The following CFHR4 variants were observed in gnomAD, a reference collection of about 807,000 sequenced individuals.
The protein encoded by CFHR4 is complement factor H related 4, also known as complement factor H-related protein 4.
A neutral mutation model predicts 69.3 loss-of-function variants in CFHR4; 64 were observed. The observed-to-expected ratio is 0.92, with a 90% CI of 0.76 to 1.14. The LOEUF (loss-of-function observed/expected upper bound fraction) is 1.14, where lower values mean the gene tolerates loss of function less well. Ranked by LOEUF, CFHR4 falls within the 50% of genes most tolerant of loss-of-function variation. The pLI is 0.00. For synonymous variants in CFHR4, 244 were observed against 237.0 expected (o/e 1.03, Z -0.27); for missense variants, 636 against 684.9 (o/e 0.93, Z 0.80).
chr1:196,892,609 G>A (rs1373883171), intron 1 of CFHR4, among the ~76,000 whole-genome samples: 4 of 151,238 alleles, frequency 2.6e-5, no homozygotes, highest in Non-Finnish European at 4.4e-5. Flanking sequence ...AGAGAAAATA[G>A]CTATCACAGC....
intron 5 of CFHR4, among the ~76,000 whole-genome samples, chr1:196,909,084 C>A (rs1571439246): frequency 6.6e-6 from 1 of 151,478 alleles, no homozygotes; most frequent in African/African-American, 2.4e-5. Flanking sequence ...TATCTTTGAA[C>A]ATGATTTCAT....
rs1456396471 is a variant in CFHR4 at position 196,905,283 on chromosome 1, T to C, written c.432T>C (p.Ile144=). The change falls in exon 3 of 10, where the codon ATT becomes ATC. Residue 144 remains isoleucine (I), a synonymous_variant. Coordinates refer to ENST00000608469, the MANE Select transcript of CFHR4 (RefSeq NM_001201550.3). The stretch of plus-strand genomic sequence containing the variant: ...AAAATGGATGGTCAACACAACCAAT[T>C]TGCATTAGTAAGTTATTTACATATT... ...CLQNGWSTQP[I]CIKFCDMPVF... 2 of 1,611,130 alleles carry C rather than the reference T, an allele frequency of 1.2e-6. No individual in the cohort carries two copies.
intron 7 of CFHR4, 79 bp downstream of exon 7, chr1:196,913,001 T>G: frequency 6.3e-7 from 1 of 1,599,042 alleles, no homozygotes; most frequent in Admixed American, 1.7e-5. Context: ...TACTTAAAAA[T>G]ATAGAAAACA....
Position 196,895,693 on chromosome 1 carries a change from C to A in CFHR4, c.59-6725C>A, listed in dbSNP as rs142460588. On this transcript the variant is annotated intron_variant, in intron 1 of 9. Coordinates refer to ENST00000608469, the MANE Select transcript of CFHR4 (RefSeq NM_001201550.3). ...TCTTTCTTCACATCTTTCTTTACTTCTTTCAGTATCTTTAATACAGTTATT... is the reference window on the plus strand; with the variant it reads ...TCTTTCTTCACATCTTTCTTTACTTATTTCAGTATCTTTAATACAGTTATT... 6.3e-3 allele frequency among the ~76,000 whole-genome samples: 959 copies of A among 151,190 alleles called. 37 individuals are homozygous for A. Among genetic ancestry groups the A allele is most frequent in the African/African-American group, 0.022 (921 of 41,014 alleles).
In CFHR4 at chr1:196,907,330, T is replaced by C. The variant is rs1254977836; in HGVS notation, c.631T>C (p.Cys211Arg). The change falls in exon 5 of 10, where the codon TGT (cysteine) becomes CGT (arginine). Residue 211 changes from cysteine to arginine, a missense_variant. Physicochemically the swap from Cys to Arg is radical, Grantham distance 180. Around this residue, in one of 3 missense-constraint regions of CFHR4, gnomAD observed 529 missense variants for 533.2 expected, o/e 0.99. Coordinates refer to ENST00000608469, the MANE Select transcript of CFHR4 (RefSeq NM_001201550.3). ...TTTTTTTTCAGATTCTTCAGAAAAC[T>C]GTGGGCCTCCTCCACCTATTAGCAA... ...LPTCYNSSEN[C>R]GPPPPISNGD... The C allele has an allele frequency of 6.2e-7, 1 of 1,610,826 alleles. No homozygotes were observed. The highest frequency in any genetic ancestry group is 1.3e-5 in the African/African-American group (1 of 74,288).
chr1:196,905,520 AAAAGC>A (rs1302750583), intron 3 of CFHR4, among the ~76,000 whole-genome samples: 1 of 151,576 alleles, frequency 6.6e-6, no homozygotes, highest in Non-Finnish European at 1.5e-5. Context: ...GCCTTTACGT[AAAAGC>A]AATCCCATCA....
intron 5 of CFHR4, among the ~76,000 whole-genome samples, chr1:196,908,967 A>G (rs1481725345): frequency 6.6e-6 from 1 of 151,466 alleles, no homozygotes. Context: ...GTCCCTATTT[A>G]TGTATCCACT....
intron 1 of CFHR4, among the ~76,000 whole-genome samples, chr1:196,889,908 A>G (rs1656927063): frequency 6.6e-6 from 1 of 151,446 alleles, no homozygotes; most frequent in South Asian, 2.1e-4. Context: ...CATAGAGAGA[A>G]TACAACCATT....
intron 5 of CFHR4, among the ~76,000 whole-genome samples, chr1:196,908,661 AAAAAGAAAACCT>A (rs1214913151): frequency 4.0e-5 from 6 of 151,508 alleles, no homozygotes; most frequent in African/African-American, 1.5e-4. Context: ...TTATGGCAGC[AAAAAGAAAACCT>A]AAAAGAAAAT....
chr1:196,900,362 G>T (rs1440304698), intron 1 of CFHR4, among the ~76,000 whole-genome samples: 3 of 135,346 alleles, frequency 2.2e-5, no homozygotes, highest in Non-Finnish European at 4.6e-5. Context: ...ATATGAGAAA[G>T]ATAAAAATGG....
At chr1:196,908,287 C>A (rs542840156) in intron 5 of CFHR4, among the ~76,000 whole-genome samples, 1 of 151,502 alleles carries the variant, frequency 6.6e-6, no homozygotes, top group South Asian at 2.1e-4. Flanking sequence ...TGCACATGTA[C>A]CCCGAACTTA....
chr1:196,896,445 T>C (rs925960058), intron 1 of CFHR4, among the ~76,000 whole-genome samples: 1 of 151,522 alleles, frequency 6.6e-6, no homozygotes. Context: ...CTTGCAACAA[T>C]GGAGAAAGCC....
chr1:196,910,393 C>A lies in CFHR4; in HGVS notation c.912C>A (p.Asp304Glu), dbSNP rs759829132. Residue 304 changes from aspartate to glutamate, a missense_variant, in exon 6 of 10, where the codon GAC becomes GAA. Coordinates refer to ENST00000608469, the MANE Select transcript of CFHR4 (RefSeq NM_001201550.3). The part of the protein sequence containing the change: ...ATGQSYSYYC[D>E]QNFVTPSGSY... ...GACAATCTTACTCCTATTACTGTGACCAAAATTTTGTGACTCCTTCAGGAA... is the reference window on the plus strand; with the variant it reads ...GACAATCTTACTCCTATTACTGTGAACAAAATTTTGTGACTCCTTCAGGAA... 3.8e-5 allele frequency: 62 copies of A among 1,612,578 alleles called. 2 individuals carry two copies. Among genetic ancestry groups the A allele is most frequent in the Middle Eastern group, 1.6e-4 (1 of 6,062 alleles).
In CFHR4 at chr1:196,914,525, C is replaced by A. The variant is rs537289117; in HGVS notation, c.1211C>A (p.Ser404Tyr). 3.1e-6 allele frequency: 5 copies of A among 1,604,612 alleles called. 1 individual carries two copies. The South Asian group carries it at 5.6e-5, about 18-fold the overall frequency. ...KFCDMPVFENSRAKSNGMRFK... is the reference protein window; with the variant it reads ...KFCDMPVFENYRAKSNGMRFK... Reference sequence around the variant, plus strand: ...TGTGATATGCCTGTTTTTGAGAATTCCAGAGCCAAGAGTAATGGCATGCGG... The same window carrying A: ...TGTGATATGCCTGTTTTTGAGAATTACAGAGCCAAGAGTAATGGCATGCGG... Residue 404 changes from serine to tyrosine, a missense_variant, in exon 8 of 10, where the codon TCC becomes TAC. This residue lies in a region of CFHR4 where 529 missense variants were observed against 533.2 expected (regional missense o/e 0.99). Coordinates refer to ENST00000608469, the MANE Select transcript of CFHR4 (RefSeq NM_001201550.3).
rs1309592898 is a variant in CFHR4 at position 196,909,846 on chromosome 1, T to TA, written c.800-426dup. The stretch of plus-strand genomic sequence containing the variant: ...GAACTTAAAAAATAATTATAAAATT[T>TA]AAAAAAAAATCTAAAAGAAAACCAG... On this transcript the variant is annotated intron_variant, in intron 5 of 9. Coordinates refer to ENST00000608469, the MANE Select transcript of CFHR4 (RefSeq NM_001201550.3). 4.7e-3 allele frequency among the ~76,000 whole-genome samples: 706 copies of TA among 150,150 alleles called. 18 individuals carry two copies. The highest frequency in any genetic ancestry group is 0.016 in the African/African-American group (649 of 40,702).
intron 9 of CFHR4, among the ~76,000 whole-genome samples, 186 bp downstream of exon 9, chr1:196,915,324 T>C (rs1658542719): frequency 6.6e-6 from 1 of 151,174 alleles, no homozygotes; most frequent in African/African-American, 2.4e-5. Context: ...ATGTAAACAA[T>C]GACCAAGTTT....
rs1658196373 is a variant in CFHR4 at position 196,910,413 on chromosome 1, C to A, written c.932C>A (p.Ser311Ter). Residue 311 changes from serine to a stop codon, truncating the protein, a stop_gained, in exon 6 of 10, where the codon TCA becomes TAA. Coordinates refer to ENST00000608469, the MANE Select transcript of CFHR4 (RefSeq NM_001201550.3). LOFTEE classifies it high-confidence loss of function. ...YYCDQNFVTPSGSYWDYIHCT... is the reference protein window; with the variant it reads ...YYCDQNFVTP ...TGTGACCAAAATTTTGTGACTCCTT[C>A]AGGAAGTTACTGGGATTACATTCAC... is the stretch of plus-strand genomic sequence containing the variant. 7 of 1,612,766 alleles carry A rather than the reference C, an allele frequency of 4.3e-6. No homozygotes were observed. Among genetic ancestry groups the A allele is most frequent in the Non-Finnish European group, 5.9e-6 (7 of 1,179,634 alleles).
chr1:196,891,240 A>C (rs1365789685), intron 1 of CFHR4, among the ~76,000 whole-genome samples: 1 of 151,594 alleles, frequency 6.6e-6, no homozygotes, highest in Non-Finnish European at 1.5e-5. Context: ...CGACAGAGCA[A>C]GACTGTCTCA....
At chr1:196,890,965 A>G (rs1656996708) in intron 1 of CFHR4, among the ~76,000 whole-genome samples, 3 of 151,592 alleles carry the variant, frequency 2.0e-5, no homozygotes, top group Non-Finnish European at 4.4e-5. Flanking sequence ...TTTATTAAGA[A>G]AAAGAATTTT....
Sources: gnomAD v4.1 joint callset for allele counts (sites outside exome capture counted in the v4.1 genomes callset) on GRCh38, gnomAD v4.1.1 for gene constraint, gnomAD v4.1.1 regional missense constraint, MANE v1.5 for transcripts, NCBI Gene and HGNC (gene_info 2026-07-23, HGNC 2026-07-21) for gene names.